Variants in DMXL2 observed in about 807,000 individuals in gnomAD.
The protein encoded by DMXL2 is Dmx like 2.
Under a neutral mutation model 331.1 loss-of-function variants are expected in DMXL2, and 103 were observed. The ratio of observed to expected loss-of-function variants is 0.31; its 90% CI spans 0.27 to 0.37. DMXL2 has a LOEUF of 0.37. Among genes scored for constraint, DMXL2 ranks in the 10% least tolerant of loss-of-function variants. The probability of loss-of-function intolerance (pLI) is 1.00; values close to 1 mark genes in which losing one functional copy is unlikely to be tolerated. For synonymous variants in DMXL2, 1,281 were observed against 1,252.1 expected, an observed-to-expected ratio of 1.02 and a Z score of -0.49; for missense variants, 3,171 against 3,642.9, an observed-to-expected ratio of 0.87 and a Z score of 3.33.
intron 42 of DMXL2, 68 bp from the exon 43 acceptor site, chr15:51,450,414 T>C: frequency 6.9e-7 from 1 of 1,453,182 alleles, no homozygotes; most frequent in Non-Finnish European, 9.6e-7. Flanking sequence ...GATGTCTACA[T>C]CCACATTTAA....
chr15:51,622,702 C>A lies in DMXL2; in HGVS notation c.-157G>T, dbSNP rs2054739648. On this transcript the variant is annotated 5_prime_UTR_variant, in exon 1 of 44. Transcript: ENST00000560891. ...TCCTCGCCCCCCTTTCGCCTTCCCT[C>A]CGCCTCGTCCCTGCCATGGGAGCTC... The A allele has an allele frequency of 1.5e-6, 2 of 1,367,868 alleles. No individual in the cohort carries two copies. Among genetic ancestry groups the A allele is most frequent in the Non-Finnish European group, 9.6e-7 (1 of 1,040,206 alleles). The allele number at this position is 1,367,868 out of a possible 1,614,324, so 84.7% of individuals were successfully genotyped here. A position where few individuals can be genotyped will look rare whatever the true frequency, so the allele number is the denominator to read the frequency against.
At chr15:51,460,832 A>G (rs1486800074) in intron 33 of DMXL2, among the ~76,000 whole-genome samples, 3 of 152,158 alleles carry the variant, frequency 2.0e-5, no homozygotes, top group Non-Finnish European at 4.4e-5. Context: ...TTTCTTAATA[A>G]AACACCTTTT....
intron 32 of DMXL2, among the ~76,000 whole-genome samples, chr15:51,464,152 C>CA (rs2040366677): frequency 6.6e-6 from 1 of 152,208 alleles, no homozygotes; most frequent in Non-Finnish European, 1.5e-5. Flanking sequence ...CCTGTAATCC[C>CA]AGCACTTTGG....
chr15:51,539,527 G>A (rs532178891), intron 9 of DMXL2, among the ~76,000 whole-genome samples: 11 of 152,100 alleles, frequency 7.2e-5, no homozygotes, highest in Non-Finnish European at 1.3e-4. Flanking sequence ...AGTATAAATT[G>A]GCCAGGTGTG....
chr15:51,476,548 C>A, intron 27 of DMXL2, 41 bp downstream of exon 27: 1 of 1,586,882 alleles, frequency 6.3e-7, no homozygotes, highest in Non-Finnish European at 8.5e-7. Context: ...AAGAAATTGC[C>A]AACTAGAAGA....
At chr15:51,560,993 T>TA (rs35051365) in intron 6 of DMXL2, among the ~76,000 whole-genome samples, 10 of 151,276 alleles carry the variant, frequency 6.6e-5, no homozygotes, top group Non-Finnish European at 1.2e-4. Context: ...TTTTGTAATT[T>TA]AAAAAAAATC....
chr15:51,508,218 C>T (rs2046530604), intron 15 of DMXL2, among the ~76,000 whole-genome samples: 1 of 152,094 alleles, frequency 6.6e-6, no homozygotes, highest in Admixed American at 6.6e-5. Flanking sequence ...AGGAGAAAGA[C>T]CTAACATAGA....
intron 3 of DMXL2, chr15:51,567,744 A>G (rs932850862): frequency 2.0e-5 from 3 of 152,262 alleles, no homozygotes; most frequent in African/African-American, 7.2e-5. Flanking sequence ...TACTGAGTAG[A>G]AGGGAAGTTG....
chr15:51,591,743 C>T (rs1022941663), intron 1 of DMXL2, among the ~76,000 whole-genome samples: 3 of 152,068 alleles, frequency 2.0e-5, no homozygotes, highest in South Asian at 2.1e-4. Context: ...TCCAGAGGAA[C>T]GATCCGCTGT....
rs534292613 is a variant in DMXL2, at chr15:51,475,514, T to C, written c.6965-922A>G. ...GTCTCAAAAAATAAAATAAAATAAA[T>C]AAACATAAGGAAAGATAGAAAAAAA... On this transcript the variant is annotated intron_variant, in intron 27 of 43. Transcript: ENST00000560891. Among the ~76,000 whole-genome samples the C allele has an allele frequency of 5.3e-5, 8 of 150,630 alleles. No homozygotes were observed. In the East Asian group the frequency reaches 5.9e-4, roughly 11 times the overall value.
chr15:51,577,901 A>G (rs1432860452), intron 1 of DMXL2, among the ~76,000 whole-genome samples: 2 of 152,212 alleles, frequency 1.3e-5, no homozygotes, highest in East Asian at 3.8e-4. Flanking sequence ...TACTTGTGAA[A>G]ATTAAAATGG....
intron 8 of DMXL2, among the ~76,000 whole-genome samples, chr15:51,543,038 T>C (rs2048689543): frequency 6.6e-6 from 1 of 152,188 alleles, no homozygotes; most frequent in Admixed American, 6.5e-5. Flanking sequence ...CATTAAAATG[T>C]TGATCTTTAA....
intron 13 of DMXL2, among the ~76,000 whole-genome samples, chr15:51,524,149 C>T (rs1023278064): frequency 1.3e-5 from 2 of 152,112 alleles, no homozygotes; most frequent in South Asian, 2.1e-4. Flanking sequence ...TCTACCATGA[C>T]GGAATCAAAC....
Position 51,622,308 on chromosome 15 carries a change from G to T in DMXL2, c.87+151C>A, listed in dbSNP as rs958347304. On this transcript the variant is annotated intron_variant, in intron 1 of 43. Transcript: ENST00000560891. Reference sequence around the variant, plus strand: ...GACCCACGGTCCCACGGGTCCCAGGGGGAACTAAACCCCAAGGCTGCAAAG... The same window carrying T: ...GACCCACGGTCCCACGGGTCCCAGGTGGAACTAAACCCCAAGGCTGCAAAG... The T allele has an allele frequency of 5.1e-6, 5 of 987,852 alleles. No individual in the cohort carries two copies. In the Admixed American group the frequency reaches 8.2e-5, roughly 16 times the overall value. The allele number at this position is 987,852 out of a possible 1,614,324, so 61.2% of individuals were successfully genotyped here. A position where few individuals can be genotyped will look rare whatever the true frequency, so the allele number is the denominator to read the frequency against.
intron 1 of DMXL2, among the ~76,000 whole-genome samples, chr15:51,616,621 G>T (rs904981017): frequency 1.3e-5 from 2 of 152,086 alleles, no homozygotes; most frequent in African/African-American, 4.8e-5. Context: ...GAAATATTTG[G>T]CTTCCAAATT....
chr15:51,484,521 T>A (rs2042248282), intron 23 of DMXL2, among the ~76,000 whole-genome samples: 1 of 152,042 alleles, frequency 6.6e-6, no homozygotes, highest in Admixed American at 6.5e-5. Context: ...ACCAATGCAC[T>A]CCACCAAACC....
intron 20 of DMXL2, among the ~76,000 whole-genome samples, chr15:51,490,097 G>T (rs11070852): frequency 0.57 from 86,702 of 152,054 alleles, 25,474 homozygotes; most frequent in African/African-American, 0.71. Flanking sequence ...GTACATCAGA[G>T]ATCACATTTT....
At chr15:51,451,567 T>C (rs1595866370) in intron 42 of DMXL2, 78 bp downstream of exon 42, 2 of 1,171,458 alleles carry the variant, frequency 1.7e-6, no homozygotes, top group East Asian at 4.9e-5. Flanking sequence ...GATTCACTAA[T>C]TAAAACCAAG....
chr15:51,575,768 C>T (rs542909256), intron 2 of DMXL2, among the ~76,000 whole-genome samples: 15 of 152,176 alleles, frequency 9.9e-5, no homozygotes, highest in African/African-American at 3.1e-4. Context: ...CCCTTACTGG[C>T]TTAATGGCTG....
Sources: allele counts gnomAD v4.1 joint callset (sites outside exome capture counted in the v4.1 genomes callset), GRCh38; gene constraint gnomAD v4.1.1; transcripts MANE v1.5; gene names NCBI Gene and HGNC (gene_info 2026-07-23, HGNC 2026-07-21).